EPC1: variants seen among roughly 807,000 people sequenced by gnomAD.
The protein encoded by EPC1 is enhancer of polycomb 1.
EPC1 carries 12 observed loss-of-function variants against 98.4 expected under a neutral mutation model. That is an observed-to-expected ratio of 0.12 (90% CI 0.08 to 0.20). The LOEUF is 0.20. EPC1 is among the 10% of genes least tolerant of loss of function. The probability of loss-of-function intolerance (pLI) is 1.00; values close to 1 mark genes in which losing one functional copy is unlikely to be tolerated. For synonymous variants in EPC1, 357 were observed against 363.9 expected (o/e 0.98, Z 0.21); for missense variants, 729 against 990.5 (o/e 0.74, Z 3.54).
In EPC1 at chr10:32,286,947, T is replaced by C. The variant is rs1265589548; in HGVS notation, c.1221A>G (p.Lys407=). The change falls in exon 8 of 14, where the codon AAA becomes AAG. Residue 407 remains lysine (K), a synonymous_variant. Coordinates refer to ENST00000319778, the MANE Select transcript of EPC1 (RefSeq NM_001272004.3). ...DPDGPFAFRR[K]AGCQYYAPHL... ...TTACAGCATAGTACTGACAGCCTGC[T>C]TTCCTACGGAAAGCAAAAGGACCAT... is the stretch of plus-strand genomic sequence containing the variant. The C allele has an allele frequency of 6.2e-7, 1 of 1,613,734 alleles. No individual in the cohort carries two copies. Among genetic ancestry groups the C allele is most frequent in the Non-Finnish European group, 8.5e-7 (1 of 1,179,906 alleles).
intron 1 of EPC1, among the ~76,000 whole-genome samples, chr10:32,322,884 CAGTT>C (rs1837015631): frequency 6.6e-6 from 1 of 151,892 alleles, no homozygotes; most frequent in Non-Finnish European, 1.5e-5. Flanking sequence ...TACAAAAACA[CAGTT>C]AGATGGAATA....
intron 13 of EPC1, among the ~76,000 whole-genome samples, chr10:32,270,363 G>GT (rs1835778352): frequency 6.6e-6 from 1 of 152,068 alleles, no homozygotes; most frequent in South Asian, 2.1e-4. Context: ...TTCTCCCACA[G>GT]TACCTTGTAG....
intron 2 of EPC1, among the ~76,000 whole-genome samples, chr10:32,301,567 G>A (rs1835544458): frequency 6.6e-6 from 1 of 152,210 alleles, no homozygotes; most frequent in African/African-American, 2.4e-5. Context: ...CAGCGATATT[G>A]TCTTGGGATA....
At chr10:32,319,329 TG>T (rs1164462952) in intron 1 of EPC1, among the ~76,000 whole-genome samples, 8 of 152,256 alleles carry the variant, frequency 5.3e-5, no homozygotes, top group Non-Finnish European at 1.2e-4. Flanking sequence ...TCACACATAC[TG>T]GAAGTGGCAG....
chr10:32,372,918 G>T (rs1342739845), intron 1 of EPC1, among the ~76,000 whole-genome samples: 2 of 152,210 alleles, frequency 1.3e-5, no homozygotes, highest in African/African-American at 4.8e-5. Context: ...CAGCTACTTG[G>T]GAGGCTGAGG....
chr10:32,319,914 G>C (rs1051656780), intron 1 of EPC1, among the ~76,000 whole-genome samples: 19 of 152,062 alleles, frequency 1.2e-4, no homozygotes, highest in African/African-American at 4.6e-4. Context: ...CCTGACCTCA[G>C]GTTATCTGCC....
upstream of EPC1, among the ~76,000 whole-genome samples, chr10:32,351,581 C>G (rs1839110405): frequency 6.6e-6 from 1 of 151,630 alleles, no homozygotes; most frequent in South Asian, 2.1e-4. Flanking sequence ...TCGCTTTAAC[C>G]CGGGAGGTGG....
intron 1 of EPC1, among the ~76,000 whole-genome samples, chr10:32,306,218 C>A (rs941974316): frequency 6.6e-6 from 1 of 152,150 alleles, no homozygotes; most frequent in South Asian, 2.1e-4. Flanking sequence ...ACAAAGCTTG[C>A]ATTTTACGGA....
At chr10:32,275,737 T>C (rs1255631849) in intron 10 of EPC1, among the ~76,000 whole-genome samples, 5 of 151,100 alleles carry the variant, frequency 3.3e-5, no homozygotes, top group Non-Finnish European at 5.9e-5. Flanking sequence ...ATCGCGTCAC[T>C]GCACTCCAGC....
chr10:32,359,592 G>A (rs571421452), intron 1 of EPC1, among the ~76,000 whole-genome samples: 3 of 152,274 alleles, frequency 2.0e-5, no homozygotes, highest in African/African-American at 7.2e-5. Flanking sequence ...TGCCACAAAC[G>A]TCATGCTTAA....
chr10:32,345,167 A>T (rs1838676239), intron 1 of EPC1: 1 of 981,584 alleles, frequency 1.0e-6, no homozygotes. Flanking sequence ...AAAATAAACA[A>T]ATGGCCATGC....
chr10:32,361,694 GA>G (rs1839449064), intron 1 of EPC1, among the ~76,000 whole-genome samples: 1 of 152,176 alleles, frequency 6.6e-6, no homozygotes, highest in African/African-American at 2.4e-5. Flanking sequence ...CCCATCGGGA[GA>G]CTGCTTTGAG....
intron 5 of EPC1, 29 bp downstream of exon 5, chr10:32,292,467 T>C (rs2132733795): frequency 6.8e-7 from 1 of 1,479,724 alleles, no homozygotes; most frequent in Non-Finnish European, 9.1e-7. Context: ...GCACTATACT[T>C]CCTCTAACAT....
chr10:32,375,862 C>G (rs1310103540), intron 1 of EPC1, among the ~76,000 whole-genome samples: 2 of 151,948 alleles, frequency 1.3e-5, no homozygotes, highest in Non-Finnish European at 2.9e-5. Context: ...AGTTCTCTAT[C>G]TGCTAAATTT....
At chr10:32,307,182 A>G (rs895034958) in intron 1 of EPC1, among the ~76,000 whole-genome samples, 23 of 152,290 alleles carry the variant, frequency 1.5e-4, no homozygotes, top group African/African-American at 5.3e-4. Context: ...GGACTTACCA[A>G]ATTTATTTAA....
chr10:32,309,013 T>G (rs1474108570), intron 1 of EPC1, among the ~76,000 whole-genome samples: 1 of 152,194 alleles, frequency 6.6e-6, no homozygotes, highest in African/African-American at 2.4e-5. Context: ...GGACACTATG[T>G]TAAGTGAAAT....
At chr10:32,328,695 A>G (rs1440371297) in intron 1 of EPC1, among the ~76,000 whole-genome samples, 1 of 152,154 alleles carries the variant, frequency 6.6e-6, no homozygotes, top group Admixed American at 6.5e-5. Context: ...CACACTCTCC[A>G]TATCTAGGGT....
intron 1 of EPC1, among the ~76,000 whole-genome samples, chr10:32,361,017 C>A (rs1592637677): frequency 6.6e-6 from 1 of 152,122 alleles, no homozygotes; most frequent in African/African-American, 2.4e-5. Flanking sequence ...GTAACAAAGG[C>A]CAAGGGAGCA....
intron 10 of EPC1, among the ~76,000 whole-genome samples, chr10:32,276,186 TA>T (rs1836083602): frequency 6.6e-6 from 1 of 152,158 alleles, no homozygotes; most frequent in Non-Finnish European, 1.5e-5. Flanking sequence ...CCTGAGAAAG[TA>T]AATCTTTTGG....
Sources: allele counts gnomAD v4.1 joint callset (sites outside exome capture counted in the v4.1 genomes callset), GRCh38; gene constraint gnomAD v4.1.1; transcripts MANE v1.5; gene names NCBI Gene and HGNC (gene_info 2026-07-23, HGNC 2026-07-21).